WSCD2: variants seen among roughly 807,000 people sequenced by gnomAD.
WSCD2 encodes sialate:O-sulfotransferase 2.
WSCD2 carries 28 observed loss-of-function variants against 55.7 expected under a neutral mutation model. That is an observed-to-expected ratio of 0.50 (90% CI 0.37 to 0.69). The LOEUF (loss-of-function observed/expected upper bound fraction) is 0.69, where lower values mean the gene tolerates loss of function less well. WSCD2 is among the 30% of genes least tolerant of loss of function. WSCD2 has a pLI of 0.00. For missense variants in WSCD2, 616 were observed against 762.1 expected (o/e 0.81, Z 2.26); for synonymous variants, 301 against 301.9 (o/e 1.00, Z 0.03).
intron 6 of WSCD2, among the ~76,000 whole-genome samples, chr12:108,229,642 C>A (rs879484301): frequency 6.6e-6 from 1 of 152,206 alleles, no homozygotes; most frequent in African/African-American, 2.4e-5. Flanking sequence ...AAACCCAGGT[C>A]GGTCTGATTC....
At chr12:108,219,999 T>A (rs1565978310) in intron 4 of WSCD2, among the ~76,000 whole-genome samples, 1 of 152,142 alleles carries the variant, frequency 6.6e-6, no homozygotes, top group Non-Finnish European at 1.5e-5. Flanking sequence ...TCTGAGTGAT[T>A]TGTGGTGAAA....
chr12:108,129,942 C>A lies in WSCD2; in HGVS notation c.-552+16C>A, dbSNP rs1235630494. On this transcript the variant is annotated intron_variant, in intron 1 of 8. Coordinates refer to ENST00000547525, the MANE Select transcript of WSCD2 (RefSeq NM_014653.4). The stretch of plus-strand genomic sequence containing the variant: ...GACCCTTCAGGTAAGGACTCAGGTG[C>A]CTGGACCTGGGAAGAGGGCTCCAGG... 1.3e-5 allele frequency: 2 copies of A among 152,284 alleles called. No homozygotes were observed. Among genetic ancestry groups the A allele is most frequent in the Non-Finnish European group, 2.9e-5 (2 of 68,100 alleles). 9.4% of individuals were successfully genotyped at this position (152,284 alleles called of 1,614,324 possible).
intron 1 of WSCD2, among the ~76,000 whole-genome samples, chr12:108,180,698 A>C (rs1363557260): frequency 6.6e-5 from 10 of 152,268 alleles, no homozygotes; most frequent in Non-Finnish European, 1.3e-4. Flanking sequence ...AGAAAGAAGG[A>C]AAGTTTGAGA....
In WSCD2 at chr12:108,159,831, T is replaced by C. The variant is rs562810111; in HGVS notation, c.-552+29905T>C. Among the ~76,000 whole-genome samples the C allele has an allele frequency of 1.1e-4, 17 of 152,306 alleles. 1 individual carries two copies. In the South Asian group the frequency reaches 3.3e-3, roughly 30 times the overall value. The stretch of plus-strand genomic sequence containing the variant: ...CGGTCCTTGCCATCATTTGTTTTTC[T>C]CAGCGTTGGCTTTTCTCCTATACAA... On this transcript the variant is annotated intron_variant, in intron 1 of 8. Coordinates refer to ENST00000547525, the MANE Select transcript of WSCD2 (RefSeq NM_014653.4).
Position 108,210,931 on chromosome 12 carries a change from C to T in WSCD2, c.682+626C>T, listed in dbSNP as rs144265842. 1.8e-3 allele frequency among the ~76,000 whole-genome samples: 270 copies of T among 152,314 alleles called. 2 individuals are homozygous for T. Among genetic ancestry groups the T allele is most frequent in the Middle Eastern group, 3.4e-3 (1 of 294 alleles). The stretch of plus-strand genomic sequence containing the variant: ...AAAATCTCTCTGATTTCCAAACCAA[C>T]AGAAGGAGGGAGTGAATAAGAGGAC... On this transcript the variant is annotated intron_variant, in intron 4 of 8. Coordinates refer to ENST00000547525, the MANE Select transcript of WSCD2 (RefSeq NM_014653.4). The surrounding 1 kb of genome is among the most constrained non-coding windows in gnomAD (Gnocchi z 4.3).
chr12:108,153,966 G>T (rs376036937), intron 1 of WSCD2, among the ~76,000 whole-genome samples: 1 of 152,120 alleles, frequency 6.6e-6, no homozygotes, highest in Non-Finnish European at 1.5e-5. Flanking sequence ...TTGCCTTGAT[G>T]CTGCTGGAAG....
intron 1 of WSCD2, among the ~76,000 whole-genome samples, chr12:108,184,519 C>A (rs1337137033): frequency 6.6e-6 from 1 of 152,094 alleles, no homozygotes; most frequent in South Asian, 2.1e-4. Flanking sequence ...CTCGTGTTTG[C>A]GGCTGGGAGC....
At chr12:108,176,222 A>G (rs759135853) in intron 1 of WSCD2, among the ~76,000 whole-genome samples, 2 of 152,192 alleles carry the variant, frequency 1.3e-5, no homozygotes, top group Non-Finnish European at 2.9e-5. Context: ...CAGTTTGGCA[A>G]GTTTTGACAA....
At chr12:108,155,009 G>A (rs552645984) in intron 1 of WSCD2, among the ~76,000 whole-genome samples, 5 of 152,250 alleles carry the variant, frequency 3.3e-5, no homozygotes, top group East Asian at 3.9e-4. Context: ...CTGCAGCTAC[G>A]GGGTAATGTT....
intron 1 of WSCD2, among the ~76,000 whole-genome samples, chr12:108,162,909 C>G (rs1466031877): frequency 6.6e-6 from 1 of 152,208 alleles, no homozygotes; most frequent in Non-Finnish European, 1.5e-5. Flanking sequence ...GTGTGTTGAG[C>G]CTGCATCTTG....
At chr12:108,132,452 G>A (rs1211747886) in intron 1 of WSCD2, among the ~76,000 whole-genome samples, 25 of 152,216 alleles carry the variant, frequency 1.6e-4, no homozygotes, top group Non-Finnish European at 5.9e-5. Context: ...TCATGAGATA[G>A]TGTCAGTGTG....
At chr12:108,191,792 G>C (rs896948794) in intron 1 of WSCD2, among the ~76,000 whole-genome samples, 3 of 152,176 alleles carry the variant, frequency 2.0e-5, no homozygotes, top group African/African-American at 7.2e-5. Context: ...GGATGGCTCA[G>C]GTCAGCACCT....
intron 2 of WSCD2, among the ~76,000 whole-genome samples, chr12:108,198,523 T>C (rs1406999621): frequency 1.3e-5 from 2 of 152,202 alleles, no homozygotes; most frequent in African/African-American, 4.8e-5. Context: ...CCTTATGGTG[T>C]AGGTGATACA....
intron 1 of WSCD2, among the ~76,000 whole-genome samples, chr12:108,130,396 T>C (rs1259611834): frequency 6.6e-6 from 1 of 152,152 alleles, no homozygotes; most frequent in Non-Finnish European, 1.5e-5. Flanking sequence ...CTGCCTGTCA[T>C]CTGATGCCAA....
At chr12:108,184,162 T>G (rs776736583) in intron 1 of WSCD2, among the ~76,000 whole-genome samples, 1 of 152,158 alleles carries the variant, frequency 6.6e-6, no homozygotes, top group Non-Finnish European at 1.5e-5. Flanking sequence ...TCCCTCCTGC[T>G]TTGATGGCTG....
At chr12:108,220,704 T>A (rs76416175) in intron 4 of WSCD2, among the ~76,000 whole-genome samples, 3,401 of 151,828 alleles carry the variant, frequency 0.022, 130 homozygotes, top group African/African-American at 0.078. Flanking sequence ...TAATTAAAAA[T>A]ATATATATAT....
intron 1 of WSCD2, among the ~76,000 whole-genome samples, chr12:108,166,897 C>T (rs1319364782): frequency 1.3e-5 from 2 of 150,808 alleles, no homozygotes; most frequent in Non-Finnish European, 1.5e-5. Context: ...CTGCAACCTC[C>T]GCCTCCCGGA....
At chr12:108,205,758 T>C (rs1885281857) in intron 2 of WSCD2, among the ~76,000 whole-genome samples, 2 of 152,220 alleles carry the variant, frequency 1.3e-5, no homozygotes. Flanking sequence ...GTTATTTTTG[T>C]TCCTGATTCA....
Position 108,164,139 on chromosome 12 carries a change from C to CTTTTTTTTTTTTTTTT in WSCD2, c.-551-31135_-551-31120dup, listed in dbSNP as rs1555224800. On this transcript the variant is annotated intron_variant, in intron 1 of 8. Transcript: ENST00000547525. ...TTATACTGTTGTTTAATCTTAAATC[C>CTTTTTTTTTTTTTTTT]TTTTTTTTTTTTTTTTTTTTTTTCA... Among the ~76,000 whole-genome samples the CTTTTTTTTTTTTTTTT allele has an allele frequency of 2.3e-4, 20 of 85,336 alleles. 2 individuals carry two copies. Among genetic ancestry groups the CTTTTTTTTTTTTTTTT allele is most frequent in the Admixed American group, 3.1e-4 (2 of 6,426 alleles). 56.0% of individuals were successfully genotyped at this position (85,336 alleles called of 152,430 possible).
Sources: allele counts gnomAD v4.1 joint callset (sites outside exome capture counted in the v4.1 genomes callset), GRCh38; gene constraint gnomAD v4.1.1; non-coding constraint Gnocchi (gnomAD v3.1); transcripts MANE v1.5; gene names NCBI Gene and HGNC (gene_info 2026-07-23, HGNC 2026-07-21).